The following ENPP6 variants were observed in gnomAD, a reference collection of about 807,000 sequenced individuals.
ENPP6 encodes the protein ectonucleotide pyrophosphatase/phosphodiesterase 6, also known as glycerophosphocholine cholinephosphodiesterase ENPP6.
ENPP6 carries 32 observed loss-of-function variants against 42.0 expected under a neutral mutation model. The observed-to-expected ratio is 0.76, with a 90% confidence interval of 0.58 to 1.02. The LOEUF is 1.02. ENPP6 is among the 50% of genes least tolerant of loss of function. ENPP6 has a pLI of 0.00. For synonymous variants in ENPP6, 213 were observed against 216.0 expected, an observed-to-expected ratio of 0.99 and a Z score of 0.12; for missense variants, 552 against 566.8, an observed-to-expected ratio of 0.97 and a Z score of 0.27.
intron 1 of ENPP6, among the ~76,000 whole-genome samples, chr4:184,206,921 C>T (rs1484084561): frequency 6.6e-6 from 1 of 152,204 alleles, no homozygotes; most frequent in Admixed American, 6.5e-5. Flanking sequence ...TCAGGTCACT[C>T]GCACAACCTT....
At chr4:184,166,704 CA>C (rs1164369135) in intron 1 of ENPP6, among the ~76,000 whole-genome samples, 1 of 152,202 alleles carries the variant, frequency 6.6e-6, no homozygotes. Flanking sequence ...AGAGGCTTCT[CA>C]AAAGATGGTA....
intron 5 of ENPP6, among the ~76,000 whole-genome samples, chr4:184,113,907 CTT>C (rs1553995022): frequency 2.0e-5 from 2 of 100,930 alleles, no homozygotes; most frequent in African/African-American, 7.4e-5. Flanking sequence ...TCTTTTCTTT[CTT>C]TCTTTCTTTC....
At chr4:184,127,104 T>C (rs1253174537) in intron 2 of ENPP6, among the ~76,000 whole-genome samples, 1 of 152,122 alleles carries the variant, frequency 6.6e-6, no homozygotes, top group African/African-American at 2.4e-5. Flanking sequence ...AAATCAAAAT[T>C]GATAACAATA....
At chr4:184,153,863 C>A in intron 1 of ENPP6, 130 bp from the exon 2 acceptor site, 2 of 1,072,032 alleles carry the variant, frequency 1.9e-6, no homozygotes, top group African/African-American at 1.8e-5. Context: ...TTGCTTTTGA[C>A]TTTAAAAAAA....
At chr4:184,125,324 C>T (rs147521484) in intron 2 of ENPP6, among the ~76,000 whole-genome samples, 216 of 152,286 alleles carry the variant, frequency 1.4e-3, no homozygotes, top group African/African-American at 4.2e-3. Flanking sequence ...CAGGCAAAGA[C>T]AGCAGCTTGA....
chr4:184,140,223 C>G (rs1372441990), intron 2 of ENPP6, among the ~76,000 whole-genome samples: 1 of 151,734 alleles, frequency 6.6e-6, no homozygotes, highest in Non-Finnish European at 1.5e-5. Context: ...CAAACCACTG[C>G]TCAAGGAAAT....
chr4:184,120,919 C>T (rs1736405162), intron 3 of ENPP6, among the ~76,000 whole-genome samples: 1 of 152,182 alleles, frequency 6.6e-6, no homozygotes, highest in Non-Finnish European at 1.5e-5. Context: ...TGGAGTGGTT[C>T]TCAGGCACCG....
intron 7 of ENPP6, among the ~76,000 whole-genome samples, chr4:184,096,174 A>G (rs1735898580): frequency 6.6e-6 from 1 of 152,224 alleles, no homozygotes; most frequent in African/African-American, 2.4e-5. Context: ...GACACCTCAT[A>G]GTTCCTAAAA....
chr4:184,109,204 C>G (rs1736157346), intron 6 of ENPP6, among the ~76,000 whole-genome samples: 1 of 151,314 alleles, frequency 6.6e-6, no homozygotes, highest in Non-Finnish European at 1.5e-5. Context: ...GAGGGAGACT[C>G]CATCTCAAAA....
chr4:184,181,965 T>A (rs146630778), intron 1 of ENPP6, among the ~76,000 whole-genome samples: 191 of 152,164 alleles, frequency 1.3e-3, no homozygotes, highest in African/African-American at 4.2e-3. Flanking sequence ...GATTTCATGA[T>A]GAAAACGTCA....
At chr4:184,135,365 G>C (rs536867232) in intron 2 of ENPP6, among the ~76,000 whole-genome samples, 1 of 152,238 alleles carries the variant, frequency 6.6e-6, no homozygotes, top group Non-Finnish European at 1.5e-5. Context: ...TTTATGTTGA[G>C]AGTGTGTAAT....
rs757290881 is a variant in ENPP6, at chr4:184,112,822, T to A, written c.856-13A>T. The A allele has an allele frequency of 6.2e-7, 1 of 1,611,470 alleles. No homozygotes were observed. Among genetic ancestry groups the A allele is most frequent in the Admixed American group, 1.7e-5 (1 of 59,502 alleles). On this transcript the variant is annotated splice_polypyrimidine_tract_variant and intron_variant, in intron 5 of 7. Transcript: ENST00000296741. The stretch of plus-strand genomic sequence containing the variant: ...GTTTGTTATATATCTGCAAAGAAAA[T>A]CAAGAGTGATCAGTTTGACACTCTC...
chr4:184,200,245 G>A (rs1732869726), intron 1 of ENPP6, among the ~76,000 whole-genome samples: 1 of 152,222 alleles, frequency 6.6e-6, no homozygotes, highest in Non-Finnish European at 1.5e-5. Context: ...TCTGATGCCA[G>A]AAGCGGTGAG....
At chr4:184,143,520 C>T (rs1736865504) in intron 2 of ENPP6, among the ~76,000 whole-genome samples, 1 of 152,220 alleles carries the variant, frequency 6.6e-6, no homozygotes, top group African/African-American at 2.4e-5. Context: ...TGGGTGAGCC[C>T]TGAGACATGA....
intron 2 of ENPP6, among the ~76,000 whole-genome samples, chr4:184,131,620 T>C (rs7672714): frequency 0.64 from 97,342 of 151,102 alleles, 31,642 homozygotes; most frequent in Non-Finnish European, 0.68. Flanking sequence ...TGCCTTGGCC[T>C]CCCAAAGTGC....
At chr4:184,113,941 T>TTCTTTCTTTCTA (rs1408613508) in intron 5 of ENPP6, among the ~76,000 whole-genome samples, 46 of 148,986 alleles carry the variant, frequency 3.1e-4, no homozygotes, top group African/African-American at 1.1e-3. Flanking sequence ...CTTTCTTTCT[T>TTCTTTCTTTCTA]TCTTTCTTTC....
chr4:184,146,151 G>A (rs1350316546), intron 2 of ENPP6, among the ~76,000 whole-genome samples: 1 of 151,424 alleles, frequency 6.6e-6, no homozygotes, highest in African/African-American at 2.4e-5. Flanking sequence ...TAGTTGAAAC[G>A]GCCAGGCGCA....
chr4:184,183,870 C>T (rs1732592837), intron 1 of ENPP6, among the ~76,000 whole-genome samples: 1 of 152,196 alleles, frequency 6.6e-6, no homozygotes, highest in South Asian at 2.1e-4. Flanking sequence ...CTGAACTGCA[C>T]TCAGGCCAAT....
At chr4:184,172,430 G>A (rs765287643) in intron 1 of ENPP6, among the ~76,000 whole-genome samples, 13 of 152,062 alleles carry the variant, frequency 8.5e-5, no homozygotes, top group Admixed American at 1.3e-4. Flanking sequence ...ACCCAGCTAC[G>A]CTCCTCTCCC....
Sources: gnomAD v4.1 joint callset for allele counts (sites outside exome capture counted in the v4.1 genomes callset) on GRCh38, gnomAD v4.1.1 for gene constraint, MANE v1.5 for transcripts, NCBI Gene and HGNC (gene_info 2026-07-23, HGNC 2026-07-21) for gene names.